Variants in COG5 observed in about 807,000 individuals in gnomAD.
The protein encoded by COG5 is conserved oligomeric Golgi complex subunit 5.
Under a neutral mutation model 110.4 loss-of-function variants are expected in COG5, and 86 were observed. The ratio of observed to expected loss-of-function variants is 0.78; its 90% CI spans 0.65 to 0.93. The LOEUF (loss-of-function observed/expected upper bound fraction) is 0.93, where lower values mean the gene tolerates loss of function less well. Ranked by LOEUF, COG5 falls within the 40% of genes least tolerant of loss-of-function variation. COG5 has a pLI of 0.00. For synonymous variants in COG5, 360 were observed against 334.6 expected (o/e 1.08, Z -0.83); for missense variants, 1,077 against 987.0 (o/e 1.09, Z -1.22).
chr7:107,526,399 G>A (rs1478024575), intron 6 of COG5, among the ~76,000 whole-genome samples: 1 of 152,194 alleles, frequency 6.6e-6, no homozygotes, highest in African/African-American at 2.4e-5. Context: ...CATGGACTTT[G>A]CAGCTGGTTA....
chr7:107,337,165 T>C (rs952435816), intron 10 of COG5, among the ~76,000 whole-genome samples: 1 of 151,878 alleles, frequency 6.6e-6, no homozygotes, highest in African/African-American at 2.4e-5. Context: ...CTGGTGAGGA[T>C]GCAGGGAAAA....
intron 11 of COG5, among the ~76,000 whole-genome samples, chr7:107,319,958 T>A (rs935725447): frequency 5.3e-5 from 8 of 151,960 alleles, no homozygotes; most frequent in African/African-American, 1.5e-4. Flanking sequence ...GGAAACACAG[T>A]GAGACTCCAT....
chr7:107,426,667 A>G (rs538005861), intron 6 of COG5, among the ~76,000 whole-genome samples: 2 of 152,140 alleles, frequency 1.3e-5, no homozygotes, highest in African/African-American at 2.4e-5. Flanking sequence ...CTTCCTCCTA[A>G]TATCACCACA....
intron 6 of COG5, among the ~76,000 whole-genome samples, chr7:107,486,812 A>C (rs1232257063): frequency 7.2e-5 from 11 of 152,188 alleles, no homozygotes; most frequent in Admixed American, 7.2e-4. Flanking sequence ...AAAAGTAACT[A>C]AACAATGGAA....
chr7:107,212,248 T>C (rs758263951), intron 19 of COG5, among the ~76,000 whole-genome samples: 19 of 152,196 alleles, frequency 1.2e-4, no homozygotes, highest in Non-Finnish European at 2.5e-4. Context: ...TATGTTGTAA[T>C]TTATTTTCCC....
chr7:107,292,309 G>A (rs1430448545), intron 12 of COG5, among the ~76,000 whole-genome samples: 2 of 152,100 alleles, frequency 1.3e-5, no homozygotes, highest in Admixed American at 6.5e-5. Flanking sequence ...CTGACCGACT[G>A]CCATGTCTGA....
chr7:107,466,210 A>G (rs887110670), intron 6 of COG5, among the ~76,000 whole-genome samples: 4 of 152,196 alleles, frequency 2.6e-5, no homozygotes, highest in African/African-American at 9.6e-5. Flanking sequence ...ACAGTAAACC[A>G]GAAAACTGGA....
At chr7:107,352,515 CA>C (rs201008309) in intron 10 of COG5, among the ~76,000 whole-genome samples, 30 of 120,136 alleles carry the variant, frequency 2.5e-4, no homozygotes, top group Admixed American at 1.4e-3. Context: ...AAAAAAAAAA[CA>C]AAAAAAAAAC....
chr7:107,449,642 G>T (rs1311275955), intron 6 of COG5, among the ~76,000 whole-genome samples: 1 of 152,170 alleles, frequency 6.6e-6, no homozygotes, highest in Admixed American at 6.5e-5. Flanking sequence ...GTTGTTGGAA[G>T]TGTTTCCAAG....
At chr7:107,207,727 C>T (rs976158014) in intron 21 of COG5, 13 of 972,596 alleles carry the variant, frequency 1.3e-5, no homozygotes, top group Middle Eastern at 5.3e-4. Context: ...CATACAACTG[C>T]CCCCATTTAC....
intron 6 of COG5, among the ~76,000 whole-genome samples, chr7:107,503,035 G>C (rs1419991585): frequency 6.6e-6 from 1 of 150,918 alleles, no homozygotes; most frequent in East Asian, 1.9e-4. Context: ...ATTTATTTTT[G>C]TTGCATTTGC....
At chr7:107,448,200 C>T (rs549775076) in intron 6 of COG5, among the ~76,000 whole-genome samples, 1 of 151,066 alleles carries the variant, frequency 6.6e-6, no homozygotes, top group African/African-American at 2.5e-5. Context: ...TCCCCCAAAA[C>T]ATGGAATGTT....
rs116370824 is a variant in COG5, at chr7:107,297,992, G to A, written c.1313+150C>T. ...ATTGACTTATTCAGTTAAAAGTCTT[G>A]CAAAGTCTTTTAAGGTATACAAATA... On this transcript the variant is annotated intron_variant, in intron 12 of 21. Coordinates refer to ENST00000297135, the MANE Select transcript of COG5 (RefSeq NM_006348.5). The A allele has an allele frequency of 2.9e-3, 982 of 334,538 alleles. 5 individuals carry two copies. Among genetic ancestry groups the A allele is most frequent in the African/African-American group, 0.02 (941 of 46,300 alleles). 20.7% of individuals were successfully genotyped at this position (334,538 alleles called of 1,614,324 possible).
At chr7:107,500,127 T>C (rs912674879) in intron 6 of COG5, among the ~76,000 whole-genome samples, 5 of 152,196 alleles carry the variant, frequency 3.3e-5, no homozygotes, top group African/African-American at 1.2e-4. Flanking sequence ...CAGTAATGTA[T>C]GCTACACTGA....
At chr7:107,443,068 C>T (rs1467178589) in intron 6 of COG5, among the ~76,000 whole-genome samples, 4 of 152,034 alleles carry the variant, frequency 2.6e-5, no homozygotes, top group Non-Finnish European at 5.9e-5. Flanking sequence ...TCAGAAAAGA[C>T]AATTCACAGA....
chr7:107,484,524 G>A (rs1374001182), intron 6 of COG5, among the ~76,000 whole-genome samples: 1 of 152,148 alleles, frequency 6.6e-6, no homozygotes, highest in African/African-American at 2.4e-5. Context: ...TAAGACCAGA[G>A]AGCAGTGACT....
At chr7:107,203,868 G>A (rs926179361) in intron 21 of COG5, among the ~76,000 whole-genome samples, 8 of 152,122 alleles carry the variant, frequency 5.3e-5, no homozygotes, top group African/African-American at 1.9e-4. Flanking sequence ...ATTGTTCTTA[G>A]TGGTCTAGTC....
chr7:107,313,129 G>A (rs1036031342), intron 11 of COG5, among the ~76,000 whole-genome samples: 1 of 152,212 alleles, frequency 6.6e-6, no homozygotes, highest in Non-Finnish European at 1.5e-5. Flanking sequence ...AGTTTCATGA[G>A]GTGGGAAGTC....
At chr7:107,552,495 C>T (rs537721780) in intron 3 of COG5, among the ~76,000 whole-genome samples, 1 of 152,054 alleles carries the variant, frequency 6.6e-6, no homozygotes, top group Admixed American at 6.6e-5. Context: ...CAAAAGAAGG[C>T]ATACATGCAG....
Sources: gnomAD v4.1 joint callset for allele counts (sites outside exome capture counted in the v4.1 genomes callset) on GRCh38, gnomAD v4.1.1 for gene constraint, MANE v1.5 for transcripts, NCBI Gene and HGNC (gene_info 2026-07-23, HGNC 2026-07-21) for gene names.